NLN: variants seen among roughly 807,000 people sequenced by gnomAD.
The protein encoded by NLN is neurolysin.
NLN carries 64 observed loss-of-function variants against 79.9 expected under a neutral mutation model. The ratio of observed to expected loss-of-function variants is 0.80; its 90% CI spans 0.65 to 0.99. NLN has a LOEUF of 0.99. NLN is among the 50% of genes least tolerant of loss of function. The probability of loss-of-function intolerance (pLI) is 0.00; values close to 1 mark genes in which losing one functional copy is unlikely to be tolerated. For synonymous variants in NLN, 267 were observed against 296.6 expected (o/e 0.90, Z 1.02); for missense variants, 835 against 858.7 (o/e 0.97, Z 0.34).
intron 1 of NLN, among the ~76,000 whole-genome samples, chr5:65,751,972 G>A (rs1210624165): frequency 8.5e-5 from 13 of 152,166 alleles, no homozygotes; most frequent in Non-Finnish European, 1.9e-4. Context: ...TGGTGCAGTG[G>A]CGTATGCTTG....
chr5:65,748,348 CTGAAAACATAGAAGGTTG>C (rs1759030511), intron 1 of NLN, among the ~76,000 whole-genome samples: 1 of 152,142 alleles, frequency 6.6e-6, no homozygotes, highest in Admixed American at 6.5e-5. Context: ...TAAATGGAAG[CTGAAAACATAGAAGGTTG>C]TGATTACAGT....
chr5:65,732,203 A>C (rs2150733665), intron 1 of NLN, among the ~76,000 whole-genome samples: 1 of 152,368 alleles, frequency 6.6e-6, no homozygotes, highest in Admixed American at 6.5e-5. Context: ...CAAGAAGTAT[A>C]AAAGGAAGTC....
At chr5:65,748,920 A>C (rs747369229) in intron 1 of NLN, among the ~76,000 whole-genome samples, 1 of 152,130 alleles carries the variant, frequency 6.6e-6, no homozygotes, top group East Asian at 1.9e-4. Flanking sequence ...CATAATCCTC[A>C]TGTGTCATGG....
intron 7 of NLN, among the ~76,000 whole-genome samples, chr5:65,786,690 G>T (rs889302520): frequency 6.6e-6 from 1 of 152,002 alleles, no homozygotes; most frequent in African/African-American, 2.4e-5. Context: ...CCCCAACCCT[G>T]TCTCTACAGA....
Position 65,742,334 on chromosome 5 carries a change from T to C in NLN, c.42-16233T>C, listed in dbSNP as rs1379486794. ...TATGTGGCACTGTTTCCAAAATAAA[T>C]GTATATTTATGCTACATAAGACCAA... On this transcript the variant is annotated intron_variant, in intron 1 of 12. Coordinates refer to ENST00000380985, the MANE Select transcript of NLN (RefSeq NM_020726.5). 5.9e-5 allele frequency among the ~76,000 whole-genome samples: 9 copies of C among 152,198 alleles called. 1 individual carries two copies.
chr5:65,747,350 A>C (rs1287431741), intron 1 of NLN, among the ~76,000 whole-genome samples: 4 of 152,156 alleles, frequency 2.6e-5, no homozygotes, highest in Non-Finnish European at 4.4e-5. Context: ...TGGGAGTCCA[A>C]CTCAAATCAG....
chr5:65,726,473 A>G (rs1758474817), intron 1 of NLN, among the ~76,000 whole-genome samples: 1 of 152,204 alleles, frequency 6.6e-6, no homozygotes, highest in African/African-American at 2.4e-5. Context: ...ATCAGTGCAA[A>G]TGTTCATAAA....
chr5:65,797,845 C>T (rs115195630), intron 9 of NLN, among the ~76,000 whole-genome samples: 1 of 152,312 alleles, frequency 6.6e-6, no homozygotes, highest in African/African-American at 2.4e-5. Context: ...CAAATGCTTA[C>T]CTTCAGTGGG....
intron 1 of NLN, among the ~76,000 whole-genome samples, chr5:65,740,686 C>G (rs1356433304): frequency 6.6e-6 from 1 of 151,716 alleles, no homozygotes; most frequent in Non-Finnish European, 1.5e-5. Flanking sequence ...TTCGTGTGTT[C>G]CTGGCATCTT....
At position 65,812,251 on chromosome 5, in the gene NLN, A is replaced by G. The variant is rs765731948; in HGVS notation, c.1844-4A>G. The G allele has an allele frequency of 1.7e-5, 27 of 1,612,248 alleles. No individual in the cohort carries two copies. The highest frequency in any genetic ancestry group is 2.1e-5 in the Non-Finnish European group (25 of 1,178,734). ...CATTGATTGAAATGTATCTTTTTTT[A>G]AAGGCACAAATATGCCAGCTACCTT... On this transcript the variant is annotated splice_polypyrimidine_tract_variant and splice_region_variant and intron_variant, in intron 11 of 12. Transcript: ENST00000380985.
chr5:65,745,193 C>T (rs1486083290), intron 1 of NLN, among the ~76,000 whole-genome samples: 2 of 152,094 alleles, frequency 1.3e-5, no homozygotes, highest in African/African-American at 2.4e-5. Context: ...TCTCCACAGC[C>T]CCTGCAGCAA....
intron 1 of NLN, among the ~76,000 whole-genome samples, 176 bp downstream of exon 1, chr5:65,722,590 G>A (rs1328707661): frequency 2.0e-5 from 3 of 152,206 alleles, no homozygotes; most frequent in Admixed American, 6.5e-5. Context: ...GGCCACCTGG[G>A]GCCACCTTTC....
intron 3 of NLN, among the ~76,000 whole-genome samples, chr5:65,771,922 T>TA (rs1247473074): frequency 7.0e-6 from 1 of 142,564 alleles, no homozygotes; most frequent in Non-Finnish European, 1.5e-5. Flanking sequence ...ATAAAAATTT[T>TA]AAAATTAAGT....
In NLN at chr5:65,826,539, T is replaced by C. The variant is rs1253895760; in HGVS notation, c.*3624T>C. 6.6e-6 allele frequency: 1 copy of C among 152,264 alleles called. No individual in the cohort carries two copies. Among genetic ancestry groups the C allele is most frequent in the Non-Finnish European group, 1.5e-5 (1 of 68,050 alleles). 9.4% of individuals were successfully genotyped at this position (152,264 alleles called of 1,614,324 possible). Reference sequence around the variant, plus strand: ...CTCAAATCAACACATTACAGTTAGATGTCTCCCATCTGAAATTGGATAGCC... The same window carrying C: ...CTCAAATCAACACATTACAGTTAGACGTCTCCCATCTGAAATTGGATAGCC... On this transcript the variant is annotated 3_prime_UTR_variant, in exon 13 of 13. Coordinates refer to ENST00000380985, the MANE Select transcript of NLN (RefSeq NM_020726.5).
chr5:65,780,679 T>G (rs888663551), intron 5 of NLN, among the ~76,000 whole-genome samples: 1 of 152,186 alleles, frequency 6.6e-6, no homozygotes, highest in African/African-American at 2.4e-5. Context: ...TCTTTTCTTT[T>G]CTTTTCTTTT....
intron 1 of NLN, among the ~76,000 whole-genome samples, chr5:65,727,467 G>A: frequency 6.6e-6 from 1 of 151,878 alleles, no homozygotes; most frequent in East Asian, 1.9e-4. Flanking sequence ...ATCATGCCTG[G>A]CCCAGGTTCC....
intron 5 of NLN, 35 bp downstream of exon 5, chr5:65,780,316 A>G: frequency 1.2e-6 from 1 of 810,948 alleles, no homozygotes; most frequent in Non-Finnish European, 2.0e-6. Context: ...TAAATCATAT[A>G]ATTTAGGCAA....
intron 1 of NLN, among the ~76,000 whole-genome samples, chr5:65,754,301 G>A (rs2150743956): frequency 6.6e-6 from 1 of 152,200 alleles, no homozygotes; most frequent in South Asian, 2.1e-4. Flanking sequence ...CTCATAGGAT[G>A]GCTGCCAGCT....
At position 65,734,259 on chromosome 5, in the gene NLN, C is replaced by T. The variant is rs1225966181; in HGVS notation, c.41+11845C>T. Among the ~76,000 whole-genome samples, 3 of 139,446 alleles carry T rather than the reference C, an allele frequency of 2.2e-5. 1 individual carries two copies. The highest frequency in any genetic ancestry group is 8.2e-5 in the African/African-American group (3 of 36,708). 91.5% of individuals were successfully genotyped at this position (139,446 alleles called of 152,430 possible). A position where few individuals can be genotyped will look rare whatever the true frequency, so the allele number is the denominator to read the frequency against. On this transcript the variant is annotated intron_variant, in intron 1 of 12. Transcript: ENST00000380985. ...AAGTGATCTGACTACCTTGGCCTTC[C>T]ACAGTGCTGGGTTTACAGGCATGAG... is the stretch of plus-strand genomic sequence containing the variant.
Sources: gnomAD v4.1 joint callset for allele counts (sites outside exome capture counted in the v4.1 genomes callset) on GRCh38, gnomAD v4.1.1 for gene constraint, MANE v1.5 for transcripts, NCBI Gene and HGNC (gene_info 2026-07-23, HGNC 2026-07-21) for gene names.